Variants in LRP1B observed in about 807,000 individuals in gnomAD.
LRP1B encodes the protein LDL receptor related protein 1B, also known as low-density lipoprotein receptor-related protein 1B.
Under a neutral mutation model 556.6 loss-of-function variants are expected in LRP1B, and 217 were observed. That is an observed-to-expected ratio of 0.39 (90% CI 0.35 to 0.44). LRP1B has a LOEUF of 0.44. Ranked by LOEUF, LRP1B falls within the 20% of genes least tolerant of loss-of-function variation. The probability of loss-of-function intolerance (pLI) is 1.00; values close to 1 mark genes in which losing one functional copy is unlikely to be tolerated. For synonymous variants in LRP1B, 2,047 were observed against 1,865.8 expected (o/e 1.10, Z -2.50); for missense variants, 5,053 against 5,620.8 (o/e 0.90, Z 3.23).
chr2:140,356,605 G>A (rs1374695780), intron 74 of LRP1B, 129 bp from the exon 75 acceptor site: 9 of 617,480 alleles, frequency 1.5e-5, no homozygotes, highest in African/African-American at 3.8e-5. Context: ...ACAAGGTTAC[G>A]GTCTTCTCTC....
intron 84 of LRP1B, among the ~76,000 whole-genome samples, chr2:140,289,201 TTC>T (rs1683277296): frequency 6.6e-6 from 1 of 152,000 alleles, no homozygotes; most frequent in African/African-American, 2.4e-5. Context: ...CTGCTGAAAT[TTC>T]AAACAATTAT....
chr2:140,391,570 C>T (rs72896256), intron 66 of LRP1B, among the ~76,000 whole-genome samples: 5,535 of 152,068 alleles, frequency 0.036, 110 homozygotes, highest in South Asian at 0.066. Flanking sequence ...TTTTTAAAAA[C>T]CCAATTACAC....
intron 1 of LRP1B, among the ~76,000 whole-genome samples, chr2:142,109,781 A>G (rs933417616): frequency 2.6e-5 from 4 of 152,154 alleles, no homozygotes; most frequent in African/African-American, 9.7e-5. Flanking sequence ...TGGTTTTCAA[A>G]AGACAAAAGT....
At chr2:140,606,857 T>A (rs959656811) in intron 41 of LRP1B, among the ~76,000 whole-genome samples, 1 of 151,860 alleles carries the variant, frequency 6.6e-6, no homozygotes, top group African/African-American at 2.4e-5. Flanking sequence ...ACTCTTAGGA[T>A]AAAAAATAGG....
At chr2:140,634,877 T>C (rs510927) in intron 41 of LRP1B, among the ~76,000 whole-genome samples, 23,268 of 151,976 alleles carry the variant, frequency 0.15, 2,105 homozygotes, top group African/African-American at 0.24. Context: ...GTATCCTGGA[T>C]GGAATCCTGA....
At chr2:141,987,549 G>GTTTTTTTTTTTTTTTT (rs5834887) in intron 1 of LRP1B, among the ~76,000 whole-genome samples, 10 of 139,946 alleles carry the variant, frequency 7.1e-5, no homozygotes, top group African/African-American at 1.3e-4. Context: ...GATTTAAGCT[G>GTTTTTTTTTTTTTTTT]TTTTTTTTTT....
rs112357714 is a variant in LRP1B at position 140,767,227 on chromosome 2, A to C, written c.5758+1986T>G. 2.0e-5 allele frequency among the ~76,000 whole-genome samples: 3 copies of C among 152,100 alleles called. 1 individual carries two copies. The highest frequency in any genetic ancestry group is 7.2e-5 in the African/African-American group (3 of 41,524). ...AGTAGGGATTTTAATAGATTCTTGA[A>C]CATTCTACCTACATGACTATTCTGT... is the stretch of plus-strand genomic sequence containing the variant. On this transcript the variant is annotated intron_variant, in intron 35 of 90. Coordinates refer to ENST00000389484, the MANE Select transcript of LRP1B (RefSeq NM_018557.3).
chr2:141,718,781 C>T (rs1034491047), intron 2 of LRP1B, among the ~76,000 whole-genome samples: 31 of 152,124 alleles, frequency 2.0e-4, no homozygotes, highest in African/African-American at 6.5e-4. Flanking sequence ...GTGATAAGAA[C>T]TGAAGAAATA....
At chr2:142,045,780 A>G (rs149546220) in intron 1 of LRP1B, among the ~76,000 whole-genome samples, 1 of 151,978 alleles carries the variant, frequency 6.6e-6, no homozygotes, top group East Asian at 1.9e-4. Flanking sequence ...CGAGAAGTTC[A>G]GTAACTTGCC....
chr2:141,996,228 AC>A (rs763825328), intron 1 of LRP1B, among the ~76,000 whole-genome samples: 253 of 5,012 alleles, frequency 0.05, 1 homozygote, highest in Middle Eastern at 0.14. Flanking sequence ...AAAAAAAAAA[AC>A]GTTATAAGTG....
At chr2:141,041,286 C>T (rs1227486939) in intron 11 of LRP1B, among the ~76,000 whole-genome samples, 1 of 152,082 alleles carries the variant, frequency 6.6e-6, no homozygotes, top group African/African-American at 2.4e-5. Context: ...TTGTCACAAA[C>T]TTGGTGGCTT....
At chr2:141,670,045 G>T (rs562900871) in intron 2 of LRP1B, among the ~76,000 whole-genome samples, 1 of 152,242 alleles carries the variant, frequency 6.6e-6, no homozygotes, top group Non-Finnish European at 1.5e-5. Context: ...GAGCCACTGC[G>T]CCCAGCCATC....
chr2:141,555,079 T>C lies in LRP1B; in HGVS notation c.206-74546A>G, dbSNP rs74603014. 4.4e-3 allele frequency among the ~76,000 whole-genome samples: 663 copies of C among 152,108 alleles called. 22 individuals are homozygous for C. In the East Asian group the frequency reaches 0.079, roughly 18 times the overall value. On this transcript the variant is annotated intron_variant, in intron 2 of 90. Transcript: ENST00000389484. ...CCAGACGTTCAACTTCCACTAGCTG[T>C]GATGCACTCTATGAAGGACTGGAAA...
At chr2:141,958,559 G>T (rs1265531950) in intron 1 of LRP1B, among the ~76,000 whole-genome samples, 3 of 151,956 alleles carry the variant, frequency 2.0e-5, no homozygotes, top group Non-Finnish European at 4.4e-5. Context: ...TAAAAAATCT[G>T]TCTACTGTGC....
intron 1 of LRP1B, among the ~76,000 whole-genome samples, chr2:141,862,485 C>T (rs1002055644): frequency 1.3e-4 from 20 of 152,172 alleles, no homozygotes; most frequent in African/African-American, 4.3e-4. Flanking sequence ...TCTCGGCTCA[C>T]GGCAACCTCC....
chr2:141,200,840 T>C (rs1681982210), intron 6 of LRP1B, among the ~76,000 whole-genome samples: 1 of 152,138 alleles, frequency 6.6e-6, no homozygotes, highest in South Asian at 2.1e-4. Context: ...GTATAGCCCA[T>C]AGTAAGTGTT....
At chr2:141,310,187 A>G (rs1000829715) in intron 3 of LRP1B, among the ~76,000 whole-genome samples, 5 of 152,184 alleles carry the variant, frequency 3.3e-5, no homozygotes, top group African/African-American at 1.2e-4. Flanking sequence ...ATGAGACCTC[A>G]AGAAAGAAAA....
At chr2:140,677,197 T>C (rs368555842) in intron 41 of LRP1B, among the ~76,000 whole-genome samples, 6 of 152,152 alleles carry the variant, frequency 3.9e-5, no homozygotes, top group Non-Finnish European at 5.9e-5. Flanking sequence ...TCAACAGAAA[T>C]GAGTTCATTG....
At position 141,073,259 on chromosome 2, in the gene LRP1B, A is replaced by T. The variant is rs141603662; in HGVS notation, c.1014-10986T>A. ...ATTTTTTTTCTTACAGAAGTTACCAAGTATTTTCATATGGTTAAAACAATG... is the reference window on the plus strand; with the variant it reads ...ATTTTTTTTCTTACAGAAGTTACCATGTATTTTCATATGGTTAAAACAATG... On this transcript the variant is annotated intron_variant, in intron 7 of 90. Transcript: ENST00000389484. 5.9e-3 allele frequency among the ~76,000 whole-genome samples: 899 copies of T among 152,162 alleles called. 11 individuals are homozygous for T. The highest frequency in any genetic ancestry group is 0.02 in the African/African-American group (848 of 41,526).
Sources: allele counts gnomAD v4.1 joint callset (sites outside exome capture counted in the v4.1 genomes callset), GRCh38; gene constraint gnomAD v4.1.1; transcripts MANE v1.5; gene names NCBI Gene and HGNC (gene_info 2026-07-23, HGNC 2026-07-21).